STARD13: variants seen among roughly 807,000 people sequenced by gnomAD.
The protein encoded by STARD13 is stAR-related lipid transfer protein 13.
A neutral mutation model predicts 106.4 loss-of-function variants in STARD13; 62 were observed. That is an observed-to-expected ratio of 0.58 (90% confidence interval 0.48 to 0.72). STARD13 has a LOEUF of 0.72. Ranked by LOEUF, STARD13 falls within the 30% of genes least tolerant of loss-of-function variation. STARD13 has a pLI of 0.00. For missense variants in STARD13, 1,387 were observed against 1,424.0 expected (o/e 0.97, Z 0.42); for synonymous variants, 565 against 553.0 (o/e 1.02, Z -0.31).
chr13:33,243,834 T>G (rs1203768738), intron 1 of STARD13, among the ~76,000 whole-genome samples: 3 of 152,174 alleles, frequency 2.0e-5, no homozygotes. Context: ...GTCTGGCACC[T>G]GTAAGGTATT....
chr13:33,203,949 G>A (rs192847512), intron 1 of STARD13, among the ~76,000 whole-genome samples: 1 of 152,242 alleles, frequency 6.6e-6, no homozygotes, highest in Admixed American at 6.5e-5. Context: ...AGACAAAAAT[G>A]GCTATAATTA....
In STARD13 at chr13:33,106,785, A is replaced by ATGAC; in HGVS notation, c.3196_3197insGTCA (p.Leu1066ArgfsTer34). ...CAGGTCTATCCTGCAGATGTGAGTCAGTCTTGACTTGCCAGAGCCACACGG... is the reference window on the plus strand; with the variant it reads ...CAGGTCTATCCTGCAGATGTGAGTCATGACGTCTTGACTTGCCAGAGCCACACGG... On this transcript the variant is annotated frameshift_variant, in exon 13 of 14. Transcript: ENST00000336934. LOFTEE classifies it high-confidence loss of function. The ATGAC allele has an allele frequency of 1.9e-6, 3 of 1,613,644 alleles. No individual in the cohort carries two copies. The highest frequency in any genetic ancestry group is 8.5e-7 in the Non-Finnish European group (1 of 1,179,694).
intron 1 of STARD13, among the ~76,000 whole-genome samples, chr13:33,184,773 T>A (rs1186366247): frequency 1.3e-5 from 2 of 152,260 alleles, no homozygotes; most frequent in Non-Finnish European, 2.9e-5. Context: ...AATTATGTAA[T>A]TTGACACAGA....
intron 6 of STARD13, 142 bp downstream of exon 6, chr13:33,127,231 G>C: frequency 1.1e-6 from 1 of 924,552 alleles, no homozygotes; most frequent in South Asian, 2.1e-5. Context: ...CTACGGCAGA[G>C]CTCATGCCTT....
Position 33,105,528 on chromosome 13 carries a change from ACT to A in STARD13, c.*63_*64del. 1 of 1,139,170 alleles carries A rather than the reference ACT, an allele frequency of 8.8e-7. No homozygotes were observed. Among genetic ancestry groups the A allele is most frequent in the East Asian group, 2.4e-5 (1 of 42,532 alleles). 70.6% of individuals were successfully genotyped at this position (1,139,170 alleles called of 1,614,324 possible). A position where few individuals can be genotyped will look rare whatever the true frequency, so the allele number is the denominator to read the frequency against. ...CTTTCTCTCGCTTTCTCACATGCAC[ACT>A]CTCTGCCACACTCGTCACTTTAGCT... is the stretch of plus-strand genomic sequence containing the variant. On this transcript the variant is annotated 3_prime_UTR_variant, in exon 14 of 14. Transcript: ENST00000336934.
At chr13:33,476,663 AGGAAGTAACCTCACTACTTTAATACAAT>A in the STARD13 span, among the ~76,000 whole-genome samples, 4 of 152,234 alleles carry the variant, frequency 2.6e-5, no homozygotes, top group African/African-American at 9.6e-5. Flanking sequence ...AGACTTATGC[AGGAAGTAACCTCACTACTTTAATACAAT>A]GGTTTAAAGT....
At chr13:33,655,055 A>G in the STARD13 span, among the ~76,000 whole-genome samples, 1 of 152,258 alleles carries the variant, frequency 6.6e-6, no homozygotes, top group Non-Finnish European at 1.5e-5. Context: ...ATGGCATTTT[A>G]CAAATCTGAA....
chr13:33,473,905 A>C, the STARD13 span, among the ~76,000 whole-genome samples: 3 of 152,196 alleles, frequency 2.0e-5, no homozygotes, highest in Non-Finnish European at 2.9e-5. Context: ...TTCTGTTTGC[A>C]GGTTAAACAA....
At chr13:33,142,142 A>G (rs762101628) in intron 4 of STARD13, among the ~76,000 whole-genome samples, 168 bp downstream of exon 4, 9 of 152,066 alleles carry the variant, frequency 5.9e-5, no homozygotes, top group Non-Finnish European at 1.0e-4. Context: ...AATGCCCCCA[A>G]CTCAGCCTCT....
chr13:33,191,182 G>C (rs1886233163), intron 1 of STARD13, among the ~76,000 whole-genome samples: 1 of 152,094 alleles, frequency 6.6e-6, no homozygotes, highest in African/African-American at 2.4e-5. Flanking sequence ...TTTATGATTG[G>C]CCCACTATGG....
intron 7 of STARD13, 82 bp from the exon 8 acceptor site, chr13:33,118,345 T>A: frequency 8.2e-7 from 1 of 1,214,320 alleles, no homozygotes; most frequent in South Asian, 1.2e-5. Flanking sequence ...GGGAACTGGA[T>A]GAGCTGGAAT....
chr13:33,630,496 G>A, the STARD13 span, among the ~76,000 whole-genome samples: 1 of 148,100 alleles, frequency 6.8e-6, no homozygotes, highest in Non-Finnish European at 1.5e-5. Flanking sequence ...GGTGTAGATT[G>A]CGTACCTTGC....
At chr13:33,581,253 A>G in the STARD13 span, among the ~76,000 whole-genome samples, 1 of 152,170 alleles carries the variant, frequency 6.6e-6, no homozygotes, top group Non-Finnish European at 1.5e-5. Flanking sequence ...TGTGTAGACA[A>G]TCACCCAAGA....
the STARD13 span, among the ~76,000 whole-genome samples, chr13:33,392,277 G>A: frequency 1.3e-5 from 2 of 152,146 alleles, no homozygotes; most frequent in African/African-American, 4.8e-5. Context: ...CAGCAGGCTG[G>A]ATGTGTGGAT....
the STARD13 span, among the ~76,000 whole-genome samples, chr13:33,478,583 T>C: frequency 6.6e-6 from 1 of 152,186 alleles, no homozygotes; most frequent in Non-Finnish European, 1.5e-5. Flanking sequence ...CTAAATTTCA[T>C]CCATCTTGAT....
the STARD13 span, among the ~76,000 whole-genome samples, chr13:33,397,703 C>T: frequency 0.024 from 3,674 of 152,218 alleles, 148 homozygotes; most frequent in African/African-American, 0.084. Context: ...GGAATTGGTA[C>T]CTGTATTAGT....
At chr13:33,293,447 G>A (rs1892367642) in intron 1 of STARD13, among the ~76,000 whole-genome samples, 1 of 152,174 alleles carries the variant, frequency 6.6e-6, no homozygotes, top group Non-Finnish European at 1.5e-5. Context: ...AATCATTATA[G>A]GTATTATTCT....
chr13:33,177,829 G>T (rs1199825805), intron 1 of STARD13, among the ~76,000 whole-genome samples: 1 of 29,254 alleles, frequency 3.4e-5, no homozygotes, highest in African/African-American at 1.8e-4. Context: ...AGGAAGGAAG[G>T]AAGGAAGGAA....
At chr13:33,635,441 T>C in the STARD13 span, among the ~76,000 whole-genome samples, 1 of 149,310 alleles carries the variant, frequency 6.7e-6, no homozygotes, top group South Asian at 2.1e-4. Context: ...GGGTGGATCA[T>C]GAGGTCAGGA....
Sources: allele counts gnomAD v4.1 joint callset (sites outside exome capture counted in the v4.1 genomes callset), GRCh38; gene constraint gnomAD v4.1.1; transcripts MANE v1.5; gene names NCBI Gene and HGNC (gene_info 2026-07-23, HGNC 2026-07-21).